The following LRMDA variants were observed in gnomAD, a reference collection of about 807,000 sequenced individuals.
LRMDA encodes the protein leucine-rich melanocyte differentiation-associated protein.
LRMDA carries 18 observed loss-of-function variants against 29.8 expected under a neutral mutation model. The observed-to-expected ratio is 0.60, with a 90% confidence interval of 0.42 to 0.90. LRMDA has a LOEUF of 0.90. Ranked by LOEUF, LRMDA falls within the 40% of genes least tolerant of loss-of-function variation. The pLI is 0.00. For missense variants in LRMDA, 273 were observed against 273.9 expected (o/e 1.00, Z 0.02); for synonymous variants, 125 against 109.4 (o/e 1.14, Z -0.89).
At chr10:76,359,670 A>T (rs74787583) in intron 6 of LRMDA, among the ~76,000 whole-genome samples, 172 of 152,312 alleles carry the variant, frequency 1.1e-3, no homozygotes, top group Non-Finnish European at 2.1e-3. Context: ...ATTTTCCCTG[A>T]AGACCTTGGA....
At chr10:75,511,726 G>A (rs1322387066) in intron 2 of LRMDA, among the ~76,000 whole-genome samples, 4 of 152,166 alleles carry the variant, frequency 2.6e-5, no homozygotes, top group Non-Finnish European at 5.9e-5. Flanking sequence ...TAAGCCAGAT[G>A]GCTCAAGACA....
chr10:76,240,218 A>G (rs1256556871), intron 5 of LRMDA, among the ~76,000 whole-genome samples: 1 of 151,120 alleles, frequency 6.6e-6, no homozygotes, highest in African/African-American at 2.4e-5. Flanking sequence ...CACCACACAC[A>G]CACATACGCA....
At chr10:75,864,943 T>A (rs1350718273) in intron 2 of LRMDA, among the ~76,000 whole-genome samples, 1 of 152,154 alleles carries the variant, frequency 6.6e-6, no homozygotes, top group Non-Finnish European at 1.5e-5. Context: ...TTCCAGAGCC[T>A]TTCAGAATGA....
At chr10:76,525,866 C>G (rs1843170013) in intron 6 of LRMDA, among the ~76,000 whole-genome samples, 1 of 152,150 alleles carries the variant, frequency 6.6e-6, no homozygotes. Flanking sequence ...CTGTTTGTCT[C>G]TGTATCAGCT....
At chr10:76,527,150 A>G (rs1054044072) in intron 6 of LRMDA, among the ~76,000 whole-genome samples, 9 of 151,022 alleles carry the variant, frequency 6.0e-5, no homozygotes, top group Admixed American at 5.9e-4. Context: ...TTCTTTGGCC[A>G]CCATTTTGAT....
chr10:75,973,789 G>C (rs765586684), intron 2 of LRMDA, among the ~76,000 whole-genome samples: 1 of 152,140 alleles, frequency 6.6e-6, no homozygotes, highest in Non-Finnish European at 1.5e-5. Context: ...TGACTTGGGG[G>C]CGGTGGGGTA....
intron 2 of LRMDA, among the ~76,000 whole-genome samples, chr10:75,842,782 C>T (rs1221208960): frequency 6.6e-6 from 1 of 151,840 alleles, no homozygotes; most frequent in Non-Finnish European, 1.5e-5. Flanking sequence ...AATGCCAGCA[C>T]TTTGGGAGGC....
chr10:76,080,713 T>G (rs1054556248), intron 5 of LRMDA, among the ~76,000 whole-genome samples: 2 of 152,222 alleles, frequency 1.3e-5, no homozygotes, highest in African/African-American at 4.8e-5. Flanking sequence ...TTCAAAAGGC[T>G]TTATGGCTGT....
At chr10:76,336,232 T>C (rs1224986282) in intron 6 of LRMDA, among the ~76,000 whole-genome samples, 2 of 143,168 alleles carry the variant, frequency 1.4e-5, no homozygotes, top group African/African-American at 2.8e-5. Flanking sequence ...TCCTGGGTTC[T>C]CTATGTCAGT....
chr10:75,884,264 T>TGTGTGTGC (rs924339006), intron 2 of LRMDA, among the ~76,000 whole-genome samples: 1 of 149,948 alleles, frequency 6.7e-6, no homozygotes, highest in African/African-American at 2.5e-5. Flanking sequence ...TGTGTGTGTG[T>TGTGTGTGC]GTGTGTGTGT....
chr10:75,931,308 G>A (rs116021057), intron 2 of LRMDA, among the ~76,000 whole-genome samples: 280 of 152,256 alleles, frequency 1.8e-3, no homozygotes, highest in African/African-American at 6.5e-3. Context: ...AAAGAGGCAG[G>A]AAGGTCACTG....
intron 2 of LRMDA, among the ~76,000 whole-genome samples, chr10:75,486,172 AAATGTGATCAGAG>A (rs1434625027): frequency 6.6e-6 from 1 of 152,186 alleles, no homozygotes; most frequent in Non-Finnish European, 1.5e-5. Context: ...AATTTCTGTG[AAATGTGATCAGAG>A]AATGTGATCT....
At chr10:76,392,336 A>G (rs1044268520) in intron 6 of LRMDA, among the ~76,000 whole-genome samples, 5 of 152,176 alleles carry the variant, frequency 3.3e-5, no homozygotes, top group African/African-American at 1.2e-4. Context: ...TTAAATCAAC[A>G]GACAAAAATT....
chr10:75,884,230 G>T (rs1283555377), intron 2 of LRMDA, among the ~76,000 whole-genome samples: 4 of 144,238 alleles, frequency 2.8e-5, no homozygotes, highest in Non-Finnish European at 6.1e-5. Context: ...CTAGTGTTTG[G>T]AAGGGCAGGC....
At chr10:76,315,206 G>A (rs966333601) in intron 5 of LRMDA, among the ~76,000 whole-genome samples, 4 of 152,204 alleles carry the variant, frequency 2.6e-5, no homozygotes, top group African/African-American at 9.6e-5. Context: ...TGATGGCAGC[G>A]GCGGCCTGTC....
intron 5 of LRMDA, among the ~76,000 whole-genome samples, chr10:76,111,801 A>C (rs1230095859): frequency 9.9e-6 from 1 of 100,810 alleles, no homozygotes; most frequent in African/African-American, 6.3e-5. Context: ...CCCCCGCCGA[A>C]ATGGGGGTGG....
chr10:76,539,390 G>A (rs746307362), intron 6 of LRMDA, among the ~76,000 whole-genome samples: 4 of 152,164 alleles, frequency 2.6e-5, no homozygotes, highest in Non-Finnish European at 5.9e-5. Context: ...GCCCCAAGGA[G>A]TTTTTTCTTT....
At chr10:75,531,840 G>A (rs1027011207) in intron 2 of LRMDA, among the ~76,000 whole-genome samples, 5 of 151,844 alleles carry the variant, frequency 3.3e-5, no homozygotes, top group Admixed American at 3.3e-4. Flanking sequence ...TTGTGGGGCT[G>A]AGGCAGAAGA....
At chr10:76,018,071 T>A (rs1342506040) in intron 2 of LRMDA, among the ~76,000 whole-genome samples, 1 of 152,186 alleles carries the variant, frequency 6.6e-6, no homozygotes, top group Non-Finnish European at 1.5e-5. Context: ...CAATAGGATT[T>A]AGCTGTAACC....
Sources: allele counts gnomAD v4.1 joint callset (sites outside exome capture counted in the v4.1 genomes callset), GRCh38; gene constraint gnomAD v4.1.1; transcripts MANE v1.5; gene names NCBI Gene and HGNC (gene_info 2026-07-23, HGNC 2026-07-21).